The following PRKAR1B variants were observed in gnomAD, a reference collection of about 807,000 sequenced individuals.
PRKAR1B encodes the protein cAMP-dependent protein kinase type I-beta regulatory subunit.
Under a neutral mutation model 46.5 loss-of-function variants are expected in PRKAR1B, and 22 were observed. The observed-to-expected ratio is 0.47, with a 90% CI of 0.34 to 0.68. The LOEUF is 0.68. PRKAR1B is among the 30% of genes least tolerant of loss of function. PRKAR1B has a pLI of 0.01. For missense variants in PRKAR1B, 445 were observed against 535.6 expected (o/e 0.83, Z 1.67); for synonymous variants, 259 against 217.7 (o/e 1.19, Z -1.67).
At chr7:643,651 G>A (rs1460381358) in intron 4 of PRKAR1B, among the ~76,000 whole-genome samples, 2 of 147,656 alleles carry the variant, frequency 1.4e-5, no homozygotes, top group African/African-American at 5.3e-5. Flanking sequence ...GAACTGGGGA[G>A]GTGGAGGTTG....
intron 8 of PRKAR1B, among the ~76,000 whole-genome samples, chr7:581,027 G>A (rs1039110194): frequency 2.6e-5 from 4 of 152,170 alleles, no homozygotes; most frequent in African/African-American, 4.8e-5. Flanking sequence ...GTACCAGCTG[G>A]GCGCGGTGGC....
chr7:552,513 C>CG (rs1295761752), intron 9 of PRKAR1B, among the ~76,000 whole-genome samples: 4 of 151,042 alleles, frequency 2.6e-5, no homozygotes, highest in South Asian at 2.1e-4. Context: ...AGGTCCTTCT[C>CG]CAGAGCCACT....
intron 2 of PRKAR1B, among the ~76,000 whole-genome samples, chr7:694,702 C>T (rs1779629386): frequency 6.6e-6 from 1 of 152,124 alleles, no homozygotes; most frequent in Admixed American, 6.5e-5. Flanking sequence ...GAGTTCGTTA[C>T]TGCCCCCATC....
chr7:693,987 C>A (rs114104381), intron 2 of PRKAR1B, among the ~76,000 whole-genome samples: 5,097 of 152,210 alleles, frequency 0.033, 317 homozygotes, highest in African/African-American at 0.12. Context: ...TTGCGATAAC[C>A]GCGAGACCTG....
At position 707,577 on chromosome 7, in the gene PRKAR1B, AC is replaced by A. The variant is rs373300872; in HGVS notation, c.177+3751del. Among the ~76,000 whole-genome samples, 255 of 152,112 alleles carry A rather than the reference AC, an allele frequency of 1.7e-3. 1 individual carries two copies. The highest frequency in any genetic ancestry group is 5.9e-3 in the African/African-American group (243 of 41,506). On this transcript the variant is annotated intron_variant, in intron 2 of 10. Transcript: ENST00000537384. ...AACCTCAGAACCTCAGAACCTCAGA[AC>A]CTCAGAAGTTGACCTTACTTGGAGG...
At chr7:725,980 CCCTACCTG>C (rs896010631) in intron 1 of PRKAR1B, among the ~76,000 whole-genome samples, 15 of 152,286 alleles carry the variant, frequency 9.8e-5, no homozygotes, top group Admixed American at 3.3e-4. Context: ...CTCCCTGGCC[CCCTACCTG>C]CCTAATTATC....
In PRKAR1B at chr7:606,951, T is replaced by C. The variant is rs182834294; in HGVS notation, c.502+440A>G. ...ATATGTGTGCACATATACGTGCATA[T>C]ATATGTAGACATATATGCATATTAT... is the stretch of plus-strand genomic sequence containing the variant. On this transcript the variant is annotated intron_variant, in intron 5 of 10. Transcript: ENST00000537384. Among the ~76,000 whole-genome samples the C allele has an allele frequency of 4.6e-5, 7 of 152,338 alleles. No homozygotes were observed. The East Asian group carries it at 5.8e-4, about 13-fold the overall frequency.
At chr7:690,992 C>T (rs1779383876) in intron 2 of PRKAR1B, among the ~76,000 whole-genome samples, 1 of 152,174 alleles carries the variant, frequency 6.6e-6, no homozygotes, top group Non-Finnish European at 1.5e-5. Context: ...GCAAATCCTA[C>T]CCGAAGGGTC....
At chr7:671,877 GC>G (rs1786274587) in intron 4 of PRKAR1B, among the ~76,000 whole-genome samples, 1 of 152,200 alleles carries the variant, frequency 6.6e-6, no homozygotes, top group African/African-American at 2.4e-5. Context: ...GCTGTGCCAT[GC>G]CTGGAACAGC....
At chr7:606,767 C>CGCGT (rs1554291779) in intron 5 of PRKAR1B, among the ~76,000 whole-genome samples, 3 of 148,278 alleles carry the variant, frequency 2.0e-5, no homozygotes, top group African/African-American at 7.5e-5. Context: ...GAATTTTATG[C>CGCGT]GTGTGTGTGT....
At chr7:625,927 G>C (rs1373461944) in intron 4 of PRKAR1B, among the ~76,000 whole-genome samples, 1 of 148,568 alleles carries the variant, frequency 6.7e-6, no homozygotes. Flanking sequence ...AGAATCACTT[G>C]AACCCAGGAG....
intron 3 of PRKAR1B, among the ~76,000 whole-genome samples, chr7:679,173 T>C (rs1474283828): frequency 6.6e-6 from 1 of 152,246 alleles, no homozygotes; most frequent in African/African-American, 2.4e-5. Flanking sequence ...ACCTTGCAGT[T>C]CCCTGATGTT....
chr7:558,381 A>G (rs981192968), intron 9 of PRKAR1B, among the ~76,000 whole-genome samples: 2 of 151,930 alleles, frequency 1.3e-5, no homozygotes, highest in African/African-American at 4.8e-5. Flanking sequence ...GAGGAGAAGA[A>G]GAAATAATAA....
intron 10 of PRKAR1B, among the ~76,000 whole-genome samples, chr7:550,822 T>G (rs1276701520): frequency 6.6e-6 from 1 of 152,242 alleles, no homozygotes; most frequent in Non-Finnish European, 1.5e-5. Flanking sequence ...CACGTTCAGC[T>G]AGCCATTGTC....
At chr7:607,703 G>C (rs1046328036) in intron 4 of PRKAR1B, among the ~76,000 whole-genome samples, 1 of 152,276 alleles carries the variant, frequency 6.6e-6, no homozygotes, top group Non-Finnish European at 1.5e-5. Context: ...TGCTGTTTTG[G>C]TTTTTACAAA....
upstream of PRKAR1B, among the ~76,000 whole-genome samples, chr7:728,567 C>G (rs1380537905): frequency 1.3e-5 from 2 of 152,206 alleles, no homozygotes; most frequent in African/African-American, 4.8e-5. Context: ...GAACCTTGGG[C>G]TGGATGGACA....
chr7:721,024 G>GT (rs1173421369), intron 1 of PRKAR1B, among the ~76,000 whole-genome samples: 1 of 152,130 alleles, frequency 6.6e-6, no homozygotes, highest in Non-Finnish European at 1.5e-5. Context: ...ATACCTGAAT[G>GT]TTTTTTAGAA....
intron 8 of PRKAR1B, among the ~76,000 whole-genome samples, chr7:581,315 A>AC (rs1211423071): frequency 6.6e-6 from 1 of 151,672 alleles, no homozygotes; most frequent in East Asian, 1.9e-4. Context: ...AAAAAAAAAA[A>AC]AAAAAAAAAA....
intron 4 of PRKAR1B, among the ~76,000 whole-genome samples, chr7:656,982 C>G (rs528251247): frequency 1.1e-3 from 138 of 128,684 alleles, no homozygotes; most frequent in Admixed American, 1.3e-3. Context: ...GATGGACGGA[C>G]GGATGGATGA....
Sources: allele counts gnomAD v4.1 joint callset (sites outside exome capture counted in the v4.1 genomes callset), GRCh38; gene constraint gnomAD v4.1.1; transcripts MANE v1.5; gene names NCBI Gene and HGNC (gene_info 2026-07-23, HGNC 2026-07-21).